The following ARFIP1 variants were observed in gnomAD, a reference collection of about 807,000 sequenced individuals.
ARFIP1 encodes ARF interacting protein 1, also known as arfaptin-1.
In ARFIP1, 24 loss-of-function variants were observed where a neutral mutation model predicts 42.5. That is an observed-to-expected ratio of 0.57 (90% CI 0.41 to 0.80). ARFIP1 has a LOEUF of 0.80. Among genes scored for constraint, ARFIP1 ranks in the 30% least tolerant of loss-of-function variants. ARFIP1 has a pLI of 0.00. For synonymous variants in ARFIP1, 141 were observed against 153.7 expected (o/e 0.92, Z 0.61); for missense variants, 354 against 434.0 (o/e 0.82, Z 1.64).
intron 1 of ARFIP1, among the ~76,000 whole-genome samples, chr4:152,788,537 T>C (rs4696356): frequency 0.65 from 98,704 of 151,720 alleles, 32,254 homozygotes; most frequent in Admixed American, 0.72. Context: ...AAAAATTAGC[T>C]GGGCATGGTG....
chr4:152,857,198 G>C (rs1238078673), intron 2 of ARFIP1, among the ~76,000 whole-genome samples: 2 of 152,238 alleles, frequency 1.3e-5, no homozygotes, highest in African/African-American at 4.8e-5. Context: ...ATTAGGAAAT[G>C]AGTGAATGGG....
chr4:152,819,835 G>A (rs936458338), intron 1 of ARFIP1, among the ~76,000 whole-genome samples: 2 of 152,040 alleles, frequency 1.3e-5, no homozygotes, highest in Non-Finnish European at 2.9e-5. Context: ...TCTCCCTCTT[G>A]CCCACCACTG....
intron 2 of ARFIP1, among the ~76,000 whole-genome samples, chr4:152,836,901 C>G (rs1731692335): frequency 6.6e-6 from 1 of 152,078 alleles, no homozygotes; most frequent in Admixed American, 6.5e-5. Context: ...AAGCAGTATA[C>G]ACTGCACCAT....
intron 8 of ARFIP1, among the ~76,000 whole-genome samples, chr4:152,907,495 A>G (rs1400931376): frequency 6.6e-6 from 1 of 152,190 alleles, no homozygotes; most frequent in African/African-American, 2.4e-5. Context: ...CCCTTACTTT[A>G]TCCTCTCTAC....
At chr4:152,784,015 TATAA>T (rs1034802761) in intron 1 of ARFIP1, among the ~76,000 whole-genome samples, 3 of 152,222 alleles carry the variant, frequency 2.0e-5, no homozygotes, top group African/African-American at 7.2e-5. Context: ...AGTCTGGAAG[TATAA>T]ATAAATTTTA....
chr4:152,822,181 G>GATAACACA, intron 1 of ARFIP1, among the ~76,000 whole-genome samples: 1 of 150,864 alleles, frequency 6.6e-6, no homozygotes, highest in Admixed American at 6.7e-5. Flanking sequence ...TAACACATAA[G>GATAACACA]GATTCTTACA....
chr4:152,853,734 A>G lies in ARFIP1; in HGVS notation c.94-9872A>G, dbSNP rs73865257. On this transcript the variant is annotated intron_variant, in intron 2 of 8. Coordinates refer to ENST00000353617, the MANE Select transcript of ARFIP1 (RefSeq NM_001025595.3). ...ACAGTTTTCATTTATTGTTATATTA[A>G]ATAGGTTTTCTAACACTTTCATTCT... Among the ~76,000 whole-genome samples the G allele has an allele frequency of 4.3e-3, 651 of 152,026 alleles. 4 individuals carry two copies. The highest frequency in any genetic ancestry group is 0.015 in the African/African-American group (609 of 41,476).
intron 3 of ARFIP1, among the ~76,000 whole-genome samples, chr4:152,867,747 C>T (rs557617936): frequency 1.8e-4 from 28 of 152,184 alleles, no homozygotes; most frequent in Admixed American, 1.0e-3. Context: ...CATCCTAATC[C>T]TTCCAATTGG....
In ARFIP1 at chr4:152,881,176, G is replaced by C. The variant is rs369258055; in HGVS notation, c.625G>C (p.Glu209Gln). ...AFADLSLKSL[E>Q]LHEEFGYNAD... Reference sequence around the variant, plus strand: ...TGCTGACCTGAGTTTGAAGTCACTAGAACTTCATGTAAGATTATTCTAAAT... The same window carrying C: ...TGCTGACCTGAGTTTGAAGTCACTACAACTTCATGTAAGATTATTCTAAAT... Residue 209 changes from glutamate to glutamine, a missense_variant, in exon 6 of 9, where the codon GAA (glutamate) becomes CAA (glutamine). Glu to Gln is a conservative substitution (Grantham distance 29, BLOSUM62 2). Transcript: ENST00000353617. 14 of 1,602,192 alleles carry C rather than the reference G, an allele frequency of 8.7e-6. No homozygotes were observed. The highest frequency in any genetic ancestry group is 1.0e-5 in the Non-Finnish European group (12 of 1,170,530).
intron 1 of ARFIP1, among the ~76,000 whole-genome samples, chr4:152,784,539 A>G (rs1346918628): frequency 6.6e-6 from 1 of 152,226 alleles, no homozygotes; most frequent in East Asian, 1.9e-4. Flanking sequence ...TCCCTTAATG[A>G]ACATACTTAT....
At chr4:152,905,504 C>G (rs1403835181) in intron 8 of ARFIP1, among the ~76,000 whole-genome samples, 1 of 123,624 alleles carries the variant, frequency 8.1e-6, no homozygotes, top group Non-Finnish European at 1.7e-5. Context: ...AATTTTTTAC[C>G]TGCTTTTTGG....
At chr4:152,892,456 G>A (rs965471024) in intron 8 of ARFIP1, among the ~76,000 whole-genome samples, 4 of 152,162 alleles carry the variant, frequency 2.6e-5, no homozygotes, top group East Asian at 3.9e-4. Context: ...GTAAAAGCAA[G>A]TAGTCCTTGA....
At chr4:152,833,010 A>G (rs1199564534) in intron 2 of ARFIP1, among the ~76,000 whole-genome samples, 2 of 152,184 alleles carry the variant, frequency 1.3e-5, no homozygotes, top group Non-Finnish European at 2.9e-5. Flanking sequence ...ATATGATGTC[A>G]AAAGCACAGG....
rs10031067 is a variant in ARFIP1, at chr4:152,804,318, A to G, written c.-10+24092A>G. On this transcript the variant is annotated intron_variant, in intron 1 of 8. Coordinates refer to ENST00000353617, the MANE Select transcript of ARFIP1 (RefSeq NM_001025595.3). The stretch of plus-strand genomic sequence containing the variant: ...ATATATATTATATATATATAACATA[A>G]CATGTATTATATATATTTTATATAT... Among the ~76,000 whole-genome samples the G allele has an allele frequency of 3.5e-4, 28 of 78,980 alleles. 4 individuals carry two copies. Among genetic ancestry groups the G allele is most frequent in the African/African-American group, 1.5e-3 (28 of 18,364 alleles). 51.8% of individuals were successfully genotyped at this position (78,980 alleles called of 152,430 possible). A position where few individuals can be genotyped will look rare whatever the true frequency, so the allele number is the denominator to read the frequency against.
intron 2 of ARFIP1, among the ~76,000 whole-genome samples, chr4:152,834,976 C>T (rs949158662): frequency 4.6e-5 from 7 of 152,222 alleles, no homozygotes; most frequent in African/African-American, 1.7e-4. Flanking sequence ...CCCAAGGTTG[C>T]ACAGGGCAGC....
At chr4:152,893,199 C>T (rs569040508) in intron 8 of ARFIP1, among the ~76,000 whole-genome samples, 96 of 152,112 alleles carry the variant, frequency 6.3e-4, no homozygotes, top group Non-Finnish European at 1.1e-3. Flanking sequence ...GAATTAGAGG[C>T]GCACTACAGG....
chr4:152,898,356 T>C (rs545153198), intron 8 of ARFIP1, among the ~76,000 whole-genome samples: 1 of 152,322 alleles, frequency 6.6e-6, no homozygotes, highest in African/African-American at 2.4e-5. Flanking sequence ...CATAATTTCC[T>C]TCCATGACTT....
At chr4:152,812,666 A>G (rs1729564339) in intron 1 of ARFIP1, among the ~76,000 whole-genome samples, 1 of 152,218 alleles carries the variant, frequency 6.6e-6, no homozygotes, top group Admixed American at 6.5e-5. Flanking sequence ...ATACCCCACA[A>G]ACATTCTCAA....
At chr4:152,872,231 A>G (rs1290565357) in intron 4 of ARFIP1, among the ~76,000 whole-genome samples, 1 of 152,202 alleles carries the variant, frequency 6.6e-6, no homozygotes, top group African/African-American at 2.4e-5. Context: ...AAGAAGACAG[A>G]TAAGTCACAT....
Sources: gnomAD v4.1 joint callset for allele counts (sites outside exome capture counted in the v4.1 genomes callset) on GRCh38, gnomAD v4.1.1 for gene constraint, MANE v1.5 for transcripts, NCBI Gene and HGNC (gene_info 2026-07-23, HGNC 2026-07-21) for gene names.